Variants in BRAF observed in about 807,000 individuals in gnomAD.
The protein encoded by BRAF is B-Raf proto-oncogene, serine/threonine kinase.
Under a neutral mutation model 104.6 loss-of-function variants are expected in BRAF, and 16 were observed. The observed-to-expected ratio is 0.15, with a 90% CI of 0.10 to 0.23. The LOEUF (loss-of-function observed/expected upper bound fraction) is 0.23. Among genes scored for constraint, BRAF ranks in the 10% least tolerant of loss-of-function variants. The pLI is 1.00. For synonymous variants in BRAF, 310 were observed against 341.6 expected (o/e 0.91, Z 1.02); for missense variants, 541 against 937.3 (o/e 0.58, Z 5.52).
chr7:140,763,279 C>A (rs1222071685), intron 14 of BRAF, among the ~76,000 whole-genome samples: 8 of 145,060 alleles, frequency 5.5e-5, no homozygotes, highest in African/African-American at 2.6e-5. Flanking sequence ...GCTGGCCGGG[C>A]GGGGGGCTGA....
intron 1 of BRAF, among the ~76,000 whole-genome samples, chr7:140,918,306 T>C (rs1817836593): frequency 6.6e-6 from 1 of 152,148 alleles, no homozygotes; most frequent in African/African-American, 2.4e-5. Context: ...AGGATGAAAT[T>C]GTTCCACCTC....
chr7:140,884,426 G>GT (rs1563015894), intron 1 of BRAF, among the ~76,000 whole-genome samples: 10 of 104,630 alleles, frequency 9.6e-5, no homozygotes, highest in African/African-American at 3.5e-4. Context: ...ATATATATAA[G>GT]ATATGTGTGT....
At chr7:140,798,839 C>T (rs1047436198) in intron 7 of BRAF, among the ~76,000 whole-genome samples, 4 of 151,744 alleles carry the variant, frequency 2.6e-5, no homozygotes, top group South Asian at 2.1e-4. Context: ...GCTTAAATGA[C>T]GCCTTTGCAT....
rs751634958 is a variant in BRAF, at chr7:140,778,105, T to C, written c.1553-30A>G. 8 of 1,606,842 alleles carry C rather than the reference T, an allele frequency of 5.0e-6. No individual in the cohort carries two copies. The South Asian group carries it at 7.7e-5, about 15-fold the overall frequency. ...AAGGCAATTGTTACTCCAAGTGTCA[T>C]TTCAATTTTTAAAATTTAAAAGTAT... On this transcript the variant is annotated intron_variant, in intron 12 of 19. Coordinates refer to ENST00000644969, the MANE Select transcript of BRAF (RefSeq NM_001374258.1).
chr7:140,897,597 C>A (rs1815104207), intron 1 of BRAF, among the ~76,000 whole-genome samples: 1 of 147,452 alleles, frequency 6.8e-6, no homozygotes, highest in African/African-American at 2.5e-5. Context: ...CGGGTTCAAG[C>A]AATTCTCCTG....
intron 1 of BRAF, among the ~76,000 whole-genome samples, chr7:140,906,023 G>A (rs1816268397): frequency 7.4e-6 from 1 of 136,054 alleles, no homozygotes. Context: ...GGGAGGCGGA[G>A]CTTGCAGTGA....
chr7:140,760,040 C>T (rs1798540809), intron 14 of BRAF, among the ~76,000 whole-genome samples: 1 of 152,172 alleles, frequency 6.6e-6, no homozygotes, highest in Non-Finnish European at 1.5e-5. Flanking sequence ...ATGTTTCTGA[C>T]AGGTCAAATA....
chr7:140,832,875 CT>C (rs543780550), intron 3 of BRAF, among the ~76,000 whole-genome samples: 437 of 137,916 alleles, frequency 3.2e-3, no homozygotes, highest in Middle Eastern at 0.011. Context: ...CTAGTTAAAC[CT>C]TTTTTTTTTT....
chr7:140,790,280 T>C (rs935585527), intron 8 of BRAF, among the ~76,000 whole-genome samples: 5 of 152,322 alleles, frequency 3.3e-5, no homozygotes, highest in African/African-American at 1.2e-4. Context: ...AGTAACAACA[T>C]AAACTTAGAT....
intron 2 of BRAF, among the ~76,000 whole-genome samples, chr7:140,838,062 A>C (rs543957424): frequency 6.6e-6 from 1 of 152,286 alleles, no homozygotes; most frequent in African/African-American, 2.4e-5. Context: ...CCTCAACCAC[A>C]ACCACCACCA....
At chr7:140,849,074 C>A (rs187311781) in intron 2 of BRAF, among the ~76,000 whole-genome samples, 7 of 152,256 alleles carry the variant, frequency 4.6e-5, no homozygotes, top group Non-Finnish European at 1.0e-4. Flanking sequence ...ATTTAGAGTT[C>A]TCCATCTCCT....
chr7:140,807,450 T>A (rs187527161), intron 5 of BRAF, among the ~76,000 whole-genome samples: 11 of 151,924 alleles, frequency 7.2e-5, no homozygotes, highest in Non-Finnish European at 1.3e-4. Context: ...CATGAAAAGA[T>A]GTCCGTGACA....
intron 3 of BRAF, among the ~76,000 whole-genome samples, chr7:140,831,364 G>A (rs572058250): frequency 4.6e-5 from 7 of 152,210 alleles, no homozygotes; most frequent in East Asian, 3.9e-4. Flanking sequence ...TTTACTCCTC[G>A]GTAGATTAAC....
chr7:140,768,417 G>A (rs1799533521), intron 14 of BRAF, among the ~76,000 whole-genome samples: 1 of 152,210 alleles, frequency 6.6e-6, no homozygotes. Context: ...GTGTAATGGT[G>A]TTGAGAGTTG....
chr7:140,833,441 G>A (rs1408392526), intron 3 of BRAF, among the ~76,000 whole-genome samples: 4 of 152,244 alleles, frequency 2.6e-5, no homozygotes, highest in South Asian at 4.1e-4. Flanking sequence ...AGGCTGCTTC[G>A]AAGATTATCT....
At chr7:140,834,913 C>A (rs781322151) in intron 2 of BRAF, 41 bp from the exon 3 acceptor site, 25 of 1,609,168 alleles carry the variant, frequency 1.6e-5, no homozygotes, top group Non-Finnish European at 2.0e-5. Flanking sequence ...CGGACTTTGT[C>A]CTGACATTAA....
chr7:140,723,666 C>T lies in BRAF; in HGVS notation c.*2828G>A. ...ATACTACACAGTTACAAACAATCCT[C>T]TGTAGTTGCTCTCAAATTTTTCAGA... On this transcript the variant is annotated 3_prime_UTR_variant, in exon 20 of 20. Transcript: ENST00000644969. 1.2e-5 allele frequency: 13 copies of T among 1,050,916 alleles called. No homozygotes were observed. Among genetic ancestry groups the T allele is most frequent in the Non-Finnish European group, 1.5e-5 (13 of 870,270 alleles). 65.1% of individuals were successfully genotyped at this position (1,050,916 alleles called of 1,614,324 possible). A position where few individuals can be genotyped will look rare whatever the true frequency, so the allele number is the denominator to read the frequency against.
chr7:140,766,140 G>A (rs1203506377), intron 14 of BRAF, among the ~76,000 whole-genome samples: 6 of 152,090 alleles, frequency 3.9e-5, no homozygotes, highest in Non-Finnish European at 8.8e-5. Context: ...GTCCTTTGTA[G>A]GGACATGGAT....
chr7:140,853,136 T>C (rs1397558477), intron 1 of BRAF, among the ~76,000 whole-genome samples: 1 of 151,346 alleles, frequency 6.6e-6, no homozygotes, highest in Non-Finnish European at 1.5e-5. Context: ...AGGCCATGCA[T>C]GGTGGCTCAC....
Sources: gnomAD v4.1 joint callset for allele counts (sites outside exome capture counted in the v4.1 genomes callset) on GRCh38, gnomAD v4.1.1 for gene constraint, MANE v1.5 for transcripts, NCBI Gene and HGNC (gene_info 2026-07-23, HGNC 2026-07-21) for gene names.